LYRM4: variants seen among roughly 807,000 people sequenced by gnomAD.
LYRM4 encodes the protein LYR motif-containing protein 4.
A neutral mutation model predicts 11.7 loss-of-function variants in LYRM4; 9 were observed. That is an observed-to-expected ratio of 0.77 (90% CI 0.46 to 1.34). LYRM4 has a LOEUF of 1.34. LYRM4 is among the 40% of genes most tolerant of loss of function. The probability of loss-of-function intolerance (pLI) is 0.00; values close to 1 mark genes in which losing one functional copy is unlikely to be tolerated. For missense variants in LYRM4, 133 were observed against 112.5 expected (o/e 1.18, Z -0.82); for synonymous variants, 42 against 40.4 (o/e 1.04, Z -0.15).
At chr6:5,069,323 T>C in the LYRM4 span, among the ~76,000 whole-genome samples, 3 of 151,788 alleles carry the variant, frequency 2.0e-5, no homozygotes, top group Non-Finnish European at 4.4e-5. Context: ...ATTGTAAAGA[T>C]ATTAATTTGT....
At chr6:5,076,346 G>C in the LYRM4 span, among the ~76,000 whole-genome samples, 2 of 152,146 alleles carry the variant, frequency 1.3e-5, no homozygotes, top group Non-Finnish European at 2.9e-5. Flanking sequence ...CTGGAAGGAA[G>C]GTAGACAGGG....
chr6:5,220,315 A>G (rs1762511701), intron 1 of LYRM4, among the ~76,000 whole-genome samples: 1 of 152,168 alleles, frequency 6.6e-6, no homozygotes, highest in South Asian at 2.1e-4. Flanking sequence ...TATCAGCTTT[A>G]GCATCCAATG....
At chr6:5,241,943 C>A (rs1435424337) in intron 1 of LYRM4, among the ~76,000 whole-genome samples, 1 of 152,104 alleles carries the variant, frequency 6.6e-6, no homozygotes, top group African/African-American at 2.4e-5. Flanking sequence ...GCCCTAAGAT[C>A]CTCCAACCTA....
intron 2 of LYRM4, among the ~76,000 whole-genome samples, chr6:5,145,993 G>A (rs1757700202): frequency 6.6e-6 from 1 of 152,136 alleles, no homozygotes; most frequent in Admixed American, 6.5e-5. Context: ...GATCAACTCT[G>A]CAATTAATTT....
intron 2 of LYRM4, among the ~76,000 whole-genome samples, chr6:5,145,346 G>A (rs764681365): frequency 4.6e-5 from 7 of 152,256 alleles, no homozygotes; most frequent in Non-Finnish European, 7.3e-5. Context: ...GCCTGTGTAA[G>A]TGCCTTATCG....
the LYRM4 span, among the ~76,000 whole-genome samples, chr6:5,045,804 CAT>C: frequency 0.046 from 7,004 of 152,262 alleles, 540 homozygotes; most frequent in African/African-American, 0.16. Flanking sequence ...AAAAGAAAAA[CAT>C]ATTGTATTTA....
At chr6:5,201,486 C>T (rs188716439) in intron 2 of LYRM4, among the ~76,000 whole-genome samples, 23 of 152,196 alleles carry the variant, frequency 1.5e-4, no homozygotes, top group African/African-American at 4.6e-4. Flanking sequence ...ATCAGTTCAC[C>T]GAGCTGGCTA....
the LYRM4 span, among the ~76,000 whole-genome samples, chr6:5,093,293 C>A: frequency 1.3e-5 from 2 of 152,312 alleles, no homozygotes; most frequent in African/African-American, 2.4e-5. Context: ...GAAAATGATG[C>A]CTTTGAGATG....
At chr6:5,105,631 G>A (rs1762640683), downstream of LYRM4, 2 of 152,342 alleles carry the variant, frequency 1.3e-5, no homozygotes, top group Admixed American at 6.5e-5. Context: ...TGGCCAACAT[G>A]GCGAAATCCT....
rs1758641277 is a variant in LYRM4 at position 5,159,799 on chromosome 6, A to T, written c.208-50308T>A. Among the ~76,000 whole-genome samples the T allele has an allele frequency of 2.0e-5, 3 of 152,318 alleles. No homozygotes were observed. In the South Asian group the frequency reaches 6.2e-4, roughly 32 times the overall value. ...CTTGATACTTCCTTTAACCTCAAAA[A>T]GCATATGAACATTGACTTTGGCTTC... On this transcript the variant is annotated intron_variant, in intron 2 of 2. Coordinates refer to ENST00000330636, the MANE Select transcript of LYRM4 (RefSeq NM_020408.6).
At chr6:5,101,783 A>T (rs1169411673), downstream of LYRM4, among the ~76,000 whole-genome samples, 1 of 151,538 alleles carries the variant, frequency 6.6e-6, no homozygotes, top group Non-Finnish European at 1.5e-5. Flanking sequence ...CCATCCTCAA[A>T]ACTACCACCA....
chr6:5,190,709 CAT>C (rs1164141952), intron 2 of LYRM4, among the ~76,000 whole-genome samples: 3 of 152,098 alleles, frequency 2.0e-5, no homozygotes, highest in African/African-American at 4.8e-5. Flanking sequence ...ATGCATTACT[CAT>C]GTGTTGTCAT....
At chr6:5,242,096 A>T (rs2773300) in intron 1 of LYRM4, among the ~76,000 whole-genome samples, 4 of 147,766 alleles carry the variant, frequency 2.7e-5, no homozygotes, top group African/African-American at 1.0e-4. Flanking sequence ...TTTTTGAGAT[A>T]GAGTCTCACT....
intron 2 of LYRM4, among the ~76,000 whole-genome samples, chr6:5,110,414 T>C (rs1443046560): frequency 2.0e-5 from 3 of 148,504 alleles, no homozygotes; most frequent in African/African-American, 7.5e-5. Context: ...TACTACAGCA[T>C]GTGTTAAAGA....
chr6:5,156,085 C>T (rs1364143479), intron 2 of LYRM4, among the ~76,000 whole-genome samples: 1 of 152,124 alleles, frequency 6.6e-6, no homozygotes, highest in East Asian at 1.9e-4. Flanking sequence ...GGAGTGTTTG[C>T]CAAAATAGGA....
At chr6:5,084,362 G>A in the LYRM4 span, among the ~76,000 whole-genome samples, 2 of 152,198 alleles carry the variant, frequency 1.3e-5, no homozygotes, top group East Asian at 1.9e-4. Flanking sequence ...GGCGGTGACA[G>A]CGCAGTCCGG....
chr6:5,078,162 A>G, the LYRM4 span, among the ~76,000 whole-genome samples: 1 of 152,186 alleles, frequency 6.6e-6, no homozygotes, highest in African/African-American at 2.4e-5. Context: ...AAACATATAA[A>G]AAGCCTTAAA....
chr6:5,142,935 G>A (rs943351339), intron 2 of LYRM4, among the ~76,000 whole-genome samples: 34 of 152,214 alleles, frequency 2.2e-4, no homozygotes, highest in Admixed American at 3.9e-4. Context: ...CCAGGAGGCC[G>A]CATCGCGGGC....
the LYRM4 span, chr6:5,085,341 C>G: frequency 1.6e-6 from 1 of 610,552 alleles, no homozygotes; most frequent in South Asian, 2.1e-5. Context: ...AGTGGAACTA[C>G]GTTGTCTTGT....
Sources: allele counts gnomAD v4.1 joint callset (sites outside exome capture counted in the v4.1 genomes callset), GRCh38; gene constraint gnomAD v4.1.1; transcripts MANE v1.5; gene names NCBI Gene and HGNC (gene_info 2026-07-23, HGNC 2026-07-21).